Variants in TMEM163 observed in about 807,000 individuals in gnomAD.
The protein encoded by TMEM163 is transmembrane protein 163.
Under a neutral mutation model 29.3 loss-of-function variants are expected in TMEM163, and 17 were observed. The ratio of observed to expected loss-of-function variants is 0.58; its 90% CI spans 0.40 to 0.87. The LOEUF (loss-of-function observed/expected upper bound fraction) is 0.87, where lower values mean the gene tolerates loss of function less well. Among genes scored for constraint, TMEM163 ranks in the 40% least tolerant of loss-of-function variants. The pLI, the probability that TMEM163 is intolerant of heterozygous loss-of-function variation, is 0.00. For missense variants in TMEM163, 303 were observed against 381.5 expected (o/e 0.79, Z 1.71); for synonymous variants, 157 against 160.6 (o/e 0.98, Z 0.17).
intron 2 of TMEM163, among the ~76,000 whole-genome samples, chr2:134,674,508 C>T (rs1684068566): frequency 3.2e-5 from 1 of 31,358 alleles, no homozygotes; most frequent in Admixed American, 2.5e-4. Context: ...CGCGCGCGCG[C>T]GCTACCATAT....
At chr2:134,562,427 G>GA (rs763692117) in intron 2 of TMEM163, among the ~76,000 whole-genome samples, 6 of 152,188 alleles carry the variant, frequency 3.9e-5, no homozygotes, top group Non-Finnish European at 8.8e-5. Context: ...ATTCAGACCA[G>GA]AACCAAAAGC....
chr2:134,527,938 A>C (rs1331703274), intron 4 of TMEM163, among the ~76,000 whole-genome samples: 1 of 152,236 alleles, frequency 6.6e-6, no homozygotes, highest in Non-Finnish European at 1.5e-5. Flanking sequence ...CAGGTTAACT[A>C]CAACCCAAGA....
intron 5 of TMEM163, among the ~76,000 whole-genome samples, chr2:134,496,889 G>C (rs940509848): frequency 4.6e-5 from 7 of 151,976 alleles, no homozygotes; most frequent in Non-Finnish European, 8.8e-5. Context: ...GGACACAAAA[G>C]CATGACAGAG....
intron 2 of TMEM163, among the ~76,000 whole-genome samples, chr2:134,594,292 T>C (rs563262129): frequency 1.3e-5 from 2 of 151,538 alleles, no homozygotes; most frequent in African/African-American, 2.4e-5. Context: ...GGGTGGGAAA[T>C]GTTGAACATT....
intron 2 of TMEM163, among the ~76,000 whole-genome samples, chr2:134,705,450 C>T (rs1422912421): frequency 1.3e-5 from 2 of 152,056 alleles, no homozygotes; most frequent in African/African-American, 4.8e-5. Flanking sequence ...AGGAGAGAGG[C>T]CTCAGAAGAA....
chr2:134,698,632 C>G (rs960218805), intron 2 of TMEM163, among the ~76,000 whole-genome samples: 1 of 151,342 alleles, frequency 6.6e-6, no homozygotes, highest in Non-Finnish European at 1.5e-5. Context: ...TGTTTCTTAT[C>G]TTCTTGTTTT....
chr2:134,705,118 G>C (rs962326459), intron 2 of TMEM163, among the ~76,000 whole-genome samples: 14 of 151,940 alleles, frequency 9.2e-5, no homozygotes, highest in Admixed American at 3.3e-4. Flanking sequence ...GCTGAGGCAG[G>C]AGAATCACTT....
intron 2 of TMEM163, among the ~76,000 whole-genome samples, chr2:134,679,011 C>A (rs1259923218): frequency 3.9e-5 from 6 of 152,300 alleles, no homozygotes; most frequent in African/African-American, 1.4e-4. Context: ...ACAGAGGTGA[C>A]AATCAACATA....
At chr2:134,586,973 C>A (rs931944469) in intron 2 of TMEM163, among the ~76,000 whole-genome samples, 1 of 151,928 alleles carries the variant, frequency 6.6e-6, no homozygotes, top group African/African-American at 2.4e-5. Context: ...GAAACCTGGG[C>A]AAAATGAGAA....
At chr2:134,617,592 A>T (rs1437763359) in intron 2 of TMEM163, among the ~76,000 whole-genome samples, 1 of 148,840 alleles carries the variant, frequency 6.7e-6, no homozygotes, top group Non-Finnish European at 1.5e-5. Context: ...AAAAAGTGAG[A>T]CCCCATCTCA....
chr2:134,551,403 G>A (rs1054443715), intron 3 of TMEM163, among the ~76,000 whole-genome samples: 11 of 152,112 alleles, frequency 7.2e-5, no homozygotes, highest in African/African-American at 2.7e-4. Flanking sequence ...AGTGGGTCTG[G>A]GAACAGGCAT....
At chr2:134,620,079 C>G (rs1471025840) in intron 2 of TMEM163, among the ~76,000 whole-genome samples, 1 of 152,148 alleles carries the variant, frequency 6.6e-6, no homozygotes, top group Non-Finnish European at 1.5e-5. Flanking sequence ...AATCCCCAAA[C>G]TGATCTATAG....
At chr2:134,685,184 C>A (rs1478477410) in intron 2 of TMEM163, among the ~76,000 whole-genome samples, 1 of 152,212 alleles carries the variant, frequency 6.6e-6, no homozygotes, top group Non-Finnish European at 1.5e-5. Flanking sequence ...CTGGCTGAGT[C>A]AGCTTCTGAA....
chr2:134,621,892 A>G (rs957474313), intron 2 of TMEM163, among the ~76,000 whole-genome samples: 1 of 152,146 alleles, frequency 6.6e-6, no homozygotes, highest in African/African-American at 2.4e-5. Context: ...CTCCATCTCA[A>G]AAAAATTAAA....
chr2:134,641,079 A>T (rs886630750), intron 2 of TMEM163, among the ~76,000 whole-genome samples: 2 of 152,252 alleles, frequency 1.3e-5, no homozygotes, highest in African/African-American at 4.8e-5. Context: ...CTACAAAAAC[A>T]AAAGGAAATT....
At chr2:134,707,022 G>A (rs1249095979) in intron 2 of TMEM163, among the ~76,000 whole-genome samples, 1 of 152,180 alleles carries the variant, frequency 6.6e-6, no homozygotes, top group Non-Finnish European at 1.5e-5. Context: ...CCTCTCAGAA[G>A]CAGCCTCCGG....
intron 2 of TMEM163, among the ~76,000 whole-genome samples, chr2:134,694,328 CA>C (rs1684535034): frequency 6.6e-6 from 1 of 152,106 alleles, no homozygotes; most frequent in African/African-American, 2.4e-5. Flanking sequence ...AGTATTCAAA[CA>C]AAAGCTGAAG....
intron 2 of TMEM163, among the ~76,000 whole-genome samples, chr2:134,588,853 G>A (rs1184344864): frequency 6.6e-6 from 1 of 152,170 alleles, no homozygotes; most frequent in Non-Finnish European, 1.5e-5. Flanking sequence ...GTTGGGGGGG[G>A]AAGAGGCCAT....
intron 2 of TMEM163, among the ~76,000 whole-genome samples, chr2:134,691,103 G>A (rs1031960658): frequency 2.6e-5 from 4 of 152,162 alleles, no homozygotes; most frequent in African/African-American, 9.7e-5. Context: ...GGAGGGCAGT[G>A]GTTCATACAA....
Sources: allele counts gnomAD v4.1 joint callset (sites outside exome capture counted in the v4.1 genomes callset), GRCh38; gene constraint gnomAD v4.1.1; transcripts MANE v1.5; gene names NCBI Gene and HGNC (gene_info 2026-07-23, HGNC 2026-07-21).